Variants in COL5A1 observed in about 807,000 individuals in gnomAD.
COL5A1 encodes collagen type V alpha 1 chain.
In COL5A1, 16 loss-of-function variants were observed where a neutral mutation model predicts 263.7. That is an observed-to-expected ratio of 0.06 (90% confidence interval 0.04 to 0.09). COL5A1 has a LOEUF of 0.09. Ranked by LOEUF, COL5A1 falls within the 10% of genes least tolerant of loss-of-function variation. The pLI, the probability that COL5A1 is intolerant of heterozygous loss-of-function variation, is 1.00. For synonymous variants in COL5A1, 1,012 were observed against 1,004.5 expected, an observed-to-expected ratio of 1.01 and a Z score of -0.14; for missense variants, 2,036 against 2,540.5, an observed-to-expected ratio of 0.80 and a Z score of 4.27.
chr9:134,741,298 CTT>C lies in COL5A1; in HGVS notation c.1494+2493_1494+2494del, dbSNP rs1835295856. Among the ~76,000 whole-genome samples the C allele has an allele frequency of 1.3e-5, 2 of 152,216 alleles. No homozygotes were observed. The highest frequency in any genetic ancestry group is 1.9e-4 in the East Asian group (1 of 5,196). On this transcript the variant is annotated intron_variant, in intron 11 of 65. Coordinates refer to ENST00000371817, the MANE Select transcript of COL5A1 (RefSeq NM_000093.5). The surrounding 1 kb of genome is among the most constrained non-coding windows in gnomAD (Gnocchi z 4.5). ...AGAGAAGAGGCATACGATTTTAACA[CTT>C]TTAATCTTCTATGCACGGGGGCTTC...
At position 134,689,945 on chromosome 9, in the gene COL5A1, CT is replaced by C. The variant is rs535442192; in HGVS notation, c.110-966del. 3.3e-3 allele frequency among the ~76,000 whole-genome samples: 504 copies of C among 152,356 alleles called. 1 individual carries two copies. The highest frequency in any genetic ancestry group is 5.0e-3 in the Non-Finnish European group (343 of 68,040). ...CAGGAGCAGTGCTTTTCCCATAAAA[CT>C]GACCTTGTTCAGGGCAGGTTCCTGG... On this transcript the variant is annotated intron_variant, in intron 1 of 65. Transcript: ENST00000371817.
chr9:134,663,375 G>T (rs1240545172), intron 1 of COL5A1, among the ~76,000 whole-genome samples: 1 of 152,170 alleles, frequency 6.6e-6, no homozygotes, highest in Non-Finnish European at 1.5e-5. Context: ...GGCTGGGGCT[G>T]GGGGAGGGAG....
At chr9:134,760,746 ACACACACCCCACACATACAC>A (rs1836374843) in intron 18 of COL5A1, among the ~76,000 whole-genome samples, 1 of 134,032 alleles carries the variant, frequency 7.5e-6, no homozygotes. Flanking sequence ...CCACACATGC[ACACACACCCCACACATACAC>A]GAACACCACC....
chr9:134,824,449 C>T (rs1439271678), intron 61 of COL5A1, 151 bp from the exon 62 acceptor site: 3 of 951,050 alleles, frequency 3.2e-6, no homozygotes, highest in Non-Finnish European at 4.7e-6. Context: ...GGGATGGAAA[C>T]AGTTCTAAGG....
intron 25 of COL5A1, among the ~76,000 whole-genome samples, chr9:134,771,659 A>G (rs1233212315): frequency 6.6e-6 from 1 of 152,232 alleles, no homozygotes; most frequent in Non-Finnish European, 1.5e-5. Flanking sequence ...GTCTAGAAAG[A>G]GTCTCAGATC....
chr9:134,681,232 C>T lies in COL5A1; in HGVS notation c.110-9680C>T, dbSNP rs1040152219. Among the ~76,000 whole-genome samples, 7 of 152,206 alleles carry T rather than the reference C, an allele frequency of 4.6e-5. No individual in the cohort carries two copies. The highest frequency in any genetic ancestry group is 6.5e-5 in the Admixed American group (1 of 15,288). ...GGTGGCTCGATGGCTCGGCCCTCAG[C>T]CCGGCCCTTCAAGAACTGTGGCTCT... is the stretch of plus-strand genomic sequence containing the variant. On this transcript the variant is annotated intron_variant, in intron 1 of 65. Transcript: ENST00000371817. The surrounding 1 kb of genome is among the most constrained non-coding windows in gnomAD (Gnocchi z 4.3).
chr9:134,792,772 CGTGTGTGTACATAT>C (rs1564462066), intron 32 of COL5A1, among the ~76,000 whole-genome samples: 2 of 151,114 alleles, frequency 1.3e-5, no homozygotes, highest in Admixed American at 6.6e-5. Flanking sequence ...TGTGTGTGTG[CGTGTGTGTACATAT>C]GTGTGTGTGC....
At chr9:134,656,290 C>G (rs536641495) in intron 1 of COL5A1, among the ~76,000 whole-genome samples, 8 of 152,200 alleles carry the variant, frequency 5.3e-5, no homozygotes, top group Admixed American at 5.2e-4. Flanking sequence ...CTCCAGCCCT[C>G]TGTCCTTCTG....
At chr9:134,809,598 G>A (rs571790227) in intron 43 of COL5A1, among the ~76,000 whole-genome samples, 186 of 152,334 alleles carry the variant, frequency 1.2e-3, no homozygotes, top group African/African-American at 3.4e-3. Flanking sequence ...CGGTCCCCCC[G>A]AATAATTTCA....
At position 134,792,923 on chromosome 9, in the gene COL5A1, A is replaced by G. The variant is rs9409995; in HGVS notation, c.2701-2159A>G. Among the ~76,000 whole-genome samples, 93 of 32,648 alleles carry G rather than the reference A, an allele frequency of 2.8e-3. 1 individual carries two copies. The highest frequency in any genetic ancestry group is 0.034 in the Middle Eastern group (2 of 58). The allele number at this position is 32,648 out of a possible 152,430, so 21.4% of individuals were successfully genotyped here. A position where few individuals can be genotyped will look rare whatever the true frequency, so the allele number is the denominator to read the frequency against. Reference sequence around the variant, plus strand: ...TGTGTGCACGCGCGTGTGTGTGCGCATGTGTATGTGTGTCTGCCTTCCACA... The same window carrying G: ...TGTGTGCACGCGCGTGTGTGTGCGCGTGTGTATGTGTGTCTGCCTTCCACA... On this transcript the variant is annotated intron_variant, in intron 32 of 65. Transcript: ENST00000371817.
chr9:134,792,905 A>C (rs539744991), intron 32 of COL5A1, among the ~76,000 whole-genome samples: 1 of 29,628 alleles, frequency 3.4e-5, no homozygotes, highest in African/African-American at 1.3e-4. Flanking sequence ...GCGTGTGTGC[A>C]CGCGCGTGTG....
At chr9:134,714,104 C>T (rs1834161840) in intron 4 of COL5A1, among the ~76,000 whole-genome samples, 1 of 152,130 alleles carries the variant, frequency 6.6e-6, no homozygotes, top group African/African-American at 2.4e-5. Context: ...ATCTTTATGT[C>T]CCTAAGACTT....
At position 134,765,734 on chromosome 9, in the gene COL5A1, C is replaced by G; in HGVS notation, c.2088C>G (p.Pro696=). The G allele has an allele frequency of 6.2e-7, 1 of 1,612,340 alleles. No individual in the cohort carries two copies. The highest frequency in any genetic ancestry group is 8.5e-7 in the Non-Finnish European group (1 of 1,178,838). ...PKGPPGPPGP[P]GVTGMDGQPG... ...GGCCCCCAGGTCCTCCCGGACCTCC[C>G]GTAAGTCCCATTACCGCCCTGCTTG... is the stretch of plus-strand genomic sequence containing the variant. Residue 696 remains proline, a splice_region_variant and synonymous_variant, in exon 21 of 66, where the codon CCC becomes CCG. Transcript: ENST00000371817. The surrounding 1 kb of genome is among the most constrained non-coding windows in gnomAD (Gnocchi z 5.1).
intron 1 of COL5A1, among the ~76,000 whole-genome samples, chr9:134,655,430 C>T (rs190298240): frequency 1.3e-5 from 2 of 152,106 alleles, no homozygotes; most frequent in Admixed American, 1.3e-4. Flanking sequence ...TGTGCAGCGT[C>T]CTCATGAGCC....
At chr9:134,835,253 G>T (rs1195061511) in intron 65 of COL5A1, 49 bp downstream of exon 65, 2 of 1,523,000 alleles carry the variant, frequency 1.3e-6, no homozygotes, top group Non-Finnish European at 9.0e-7. Flanking sequence ...CCTCCGTGGG[G>T]CTCGCTCCTC....
At chr9:134,823,184 G>A (rs1839093678) in intron 60 of COL5A1, 151 bp downstream of exon 60, 2 of 1,099,346 alleles carry the variant, frequency 1.8e-6, no homozygotes, top group African/African-American at 1.6e-5. Flanking sequence ...ACCCATGGCG[G>A]ACTGAGGCAG....
intron 1 of COL5A1, among the ~76,000 whole-genome samples, chr9:134,674,729 T>C (rs1832639904): frequency 6.6e-6 from 1 of 151,966 alleles, no homozygotes. Flanking sequence ...CTACGAAAAA[T>C]ACAAAAGTTA....
chr9:134,690,051 T>C (rs1259235415), intron 1 of COL5A1, among the ~76,000 whole-genome samples: 1 of 152,032 alleles, frequency 6.6e-6, no homozygotes. Flanking sequence ...GGCCGTCTTT[T>C]GTGTTGGAGG....
chr9:134,717,364 C>A (rs1201394856), intron 4 of COL5A1, among the ~76,000 whole-genome samples: 2 of 152,210 alleles, frequency 1.3e-5, no homozygotes, highest in Non-Finnish European at 2.9e-5. Context: ...GGGCCAGACT[C>A]CACCCTCCCA....
Sources: gnomAD v4.1 joint callset for allele counts (sites outside exome capture counted in the v4.1 genomes callset) on GRCh38, gnomAD v4.1.1 for gene constraint, Gnocchi (gnomAD v3.1) non-coding constraint, MANE v1.5 for transcripts, NCBI Gene and HGNC (gene_info 2026-07-23, HGNC 2026-07-21) for gene names.